MSH5: variants seen among roughly 807,000 people sequenced by gnomAD.
MSH5 encodes the protein mutS protein homolog 5.
In MSH5, 78 loss-of-function variants were observed where a neutral mutation model predicts 107.7. That is an observed-to-expected ratio of 0.72 (90% CI 0.60 to 0.87). The LOEUF (loss-of-function observed/expected upper bound fraction) is 0.87. MSH5 is among the 40% of genes least tolerant of loss of function. MSH5 has a pLI of 0.00. For missense variants in MSH5, 889 were observed against 1,046.6 expected, an observed-to-expected ratio of 0.85 and a Z score of 2.08; for synonymous variants, 326 against 399.5, an observed-to-expected ratio of 0.82 and a Z score of 2.19.
chr6:31,762,549 TC>T lies in MSH5; in HGVS notation c.*22del. The stretch of plus-strand genomic sequence containing the variant: ...TCCTCTGAGAGTCCTTCCAGTGTCC[TC>T]CCCAGCCTCCTGAGACTCCGGTGGG... On this transcript the variant is annotated 3_prime_UTR_variant, in exon 25 of 25. Transcript: ENST00000375750. The T allele has an allele frequency of 6.5e-7, 1 of 1,549,016 alleles. No individual in the cohort carries two copies. Among genetic ancestry groups the T allele is most frequent in the Non-Finnish European group, 8.9e-7 (1 of 1,121,890 alleles).
At chr6:31,742,983 G>A in intron 4 of MSH5, 26 bp downstream of exon 4, 1 of 1,612,052 alleles carries the variant, frequency 6.2e-7, no homozygotes, top group Non-Finnish European at 8.5e-7. Flanking sequence ...AGGATAGAGG[G>A]AAAATGGGGA....
In MSH5 at chr6:31,743,121, C is replaced by G. The variant is rs1425500131; in HGVS notation, c.366C>G (p.His122Gln). 6.2e-7 allele frequency: 1 copy of G among 1,612,870 alleles called. No individual in the cohort carries two copies. The highest frequency in any genetic ancestry group is 1.3e-5 in the African/African-American group (1 of 74,900). ...RFLGKLASQE[H>Q]REPKRPEIIF... Reference sequence around the variant, plus strand: ...CCTCCCCCACAGCCTCCCAGGAGCACAGAGAGCCTAAAAGACCTGAAATCA... The same window carrying G: ...CCTCCCCCACAGCCTCCCAGGAGCAGAGAGAGCCTAAAAGACCTGAAATCA... Residue 122 changes from histidine to glutamine, a missense_variant, in exon 5 of 25, where the codon CAC (histidine) becomes CAG (glutamine). Physicochemically the swap from His to Gln is conservative, Grantham distance 24. Coordinates refer to ENST00000375750, the MANE Select transcript of MSH5 (RefSeq NM_172166.4).
intron 8 of MSH5, 77 bp downstream of exon 8, chr6:31,744,658 G>T (rs538317670): frequency 6.6e-7 from 1 of 1,504,760 alleles, no homozygotes; most frequent in East Asian, 2.3e-5. Context: ...TCCTAATGAG[G>T]CTCTAGTTTC....
chr6:31,760,298 G>T lies in MSH5; in HGVS notation c.1812+82G>T. The T allele has an allele frequency of 5.3e-6, 8 of 1,500,470 alleles. No homozygotes were observed. Among genetic ancestry groups the T allele is most frequent in the Non-Finnish European group, 6.2e-6 (7 of 1,126,220 alleles). 92.9% of individuals were successfully genotyped at this position (1,500,470 alleles called of 1,614,324 possible). ...TACTTGCCAGCCAACTCAGGCTCCT[G>T]CAGCTCTTCTCCCATTTTCTGACCC... On this transcript the variant is annotated intron_variant, in intron 19 of 24. Coordinates refer to ENST00000375750, the MANE Select transcript of MSH5 (RefSeq NM_172166.4). The surrounding 1 kb of genome is among the most constrained non-coding windows in gnomAD (Gnocchi z 5.6).
At chr6:31,755,617 C>T (rs1307836258) in intron 12 of MSH5, among the ~76,000 whole-genome samples, 1 of 152,174 alleles carries the variant, frequency 6.6e-6, no homozygotes, top group African/African-American at 2.4e-5. Flanking sequence ...CTGCCCCGGC[C>T]TCCCAAAGTG....
chr6:31,743,517 C>A, intron 5 of MSH5: 1 of 452,090 alleles, frequency 2.2e-6, no homozygotes, highest in Non-Finnish European at 3.9e-6. Context: ...TTATTATGAT[C>A]CATAAGGCAC....
intron 8 of MSH5, among the ~76,000 whole-genome samples, 154 bp from the exon 9 acceptor site, chr6:31,745,083 G>A (rs1031123450): frequency 4.3e-5 from 6 of 138,692 alleles, no homozygotes; most frequent in African/African-American, 1.3e-4. Flanking sequence ...CAGCCTGGGC[G>A]ACAGAGCGAG....
Position 31,753,609 on chromosome 6 carries a change from GACTGGCAGGTT to G in MSH5, c.995_1005del (p.Asp332AlafsTer34). The stretch of plus-strand genomic sequence containing the variant: ...GAAGTTGTCCCACACCAAGGTCAGC[GACTGGCAGGTT>G]CTCTACAAGGTAAGGCCTTCCTTCT... On this transcript the variant is annotated frameshift_variant, in exon 12 of 25. Transcript: ENST00000375750. LOFTEE classifies it high-confidence loss of function. The G allele has an allele frequency of 6.2e-7, 1 of 1,614,164 alleles. No individual in the cohort carries two copies. The highest frequency in any genetic ancestry group is 8.5e-7 in the Non-Finnish European group (1 of 1,180,028).
chr6:31,745,103 CAAAAAAAAAAA>C, intron 8 of MSH5, 123 bp from the exon 9 acceptor site: 2 of 354,088 alleles, frequency 5.6e-6, no homozygotes, highest in East Asian at 6.4e-5. Context: ...GACTCCATCT[CAAAAAAAAAAA>C]AAAAAAAAAA....
chr6:31,743,778 C>A, intron 5 of MSH5, 126 bp from the exon 6 acceptor site: 1 of 1,384,202 alleles, frequency 7.2e-7, no homozygotes, highest in East Asian at 2.4e-5. Context: ...CTCTAGCTTT[C>A]CATTAACTGC....
rs1287422290 is a variant in MSH5, at chr6:31,747,385, A to G, written c.767-2A>G. 4 of 1,612,964 alleles carry G rather than the reference A, an allele frequency of 2.5e-6. No individual in the cohort carries two copies. The highest frequency in any genetic ancestry group is 1.1e-5 in the South Asian group (1 of 91,064). On this transcript the variant is annotated splice_acceptor_variant, in intron 9 of 24. Coordinates refer to ENST00000375750, the MANE Select transcript of MSH5 (RefSeq NM_172166.4). LOFTEE classifies it high-confidence loss of function. ...GTTCACTCCCTGCCTTATCCCTCAC[A>G]GGAATCCTCAACAGATGCCACTGTA...
Position 31,741,270 on chromosome 6 carries a change from C to CTGG in MSH5, c.255_256insTGG (p.Leu85_Lys86insTrp). On this transcript the variant is annotated inframe_insertion, in exon 3 of 25. Transcript: ENST00000375750. ...CAGATGCCCCAGACCACGAGAGCCT[C>CTGG]AAGCTTCTCCAGAGAGGTGGGGATG... 6.2e-7 allele frequency: 1 copy of CTGG among 1,612,380 alleles called. No individual in the cohort carries two copies. The highest frequency in any genetic ancestry group is 8.5e-7 in the Non-Finnish European group (1 of 1,179,814).
At chr6:31,743,260 C>CT in intron 5 of MSH5, 90 bp downstream of exon 5, 1 of 1,371,626 alleles carries the variant, frequency 7.3e-7, no homozygotes. Context: ...GATCTCCCCT[C>CT]TGCCTTATGT....
At chr6:31,744,467 A>G (rs1291802187) in intron 7 of MSH5, 79 bp from the exon 8 acceptor site, 14 of 1,573,702 alleles carry the variant, frequency 8.9e-6, no homozygotes, top group Non-Finnish European at 1.2e-5. Context: ...CTGGGACAAT[A>G]TTCAGAGAGG....
At chr6:31,756,725 C>T (rs1810472622) in intron 12 of MSH5, 1 of 151,918 alleles carries the variant, frequency 6.6e-6, no homozygotes. Flanking sequence ...ACCTCCACCT[C>T]CCGGGTTGGG....
At chr6:31,752,899 A>G (rs1434831033) in intron 10 of MSH5, among the ~76,000 whole-genome samples, 1 of 152,174 alleles carries the variant, frequency 6.6e-6, no homozygotes, top group African/African-American at 2.4e-5. Context: ...TGTTACCCAG[A>G]GACACTTTCA....
chr6:31,743,527 C>G (rs965738442), intron 5 of MSH5: 8 of 438,160 alleles, frequency 1.8e-5, no homozygotes, highest in African/African-American at 1.6e-4. Context: ...CCATAAGGCA[C>G]TTCTATAACT....
chr6:31,754,028 C>A, intron 12 of MSH5: 1 of 172,134 alleles, frequency 5.8e-6, no homozygotes, highest in Non-Finnish European at 1.3e-5. Context: ...GCCCGGCCTC[C>A]CTCTTTTTTT....
Position 31,760,896 on chromosome 6 carries a change from C to A in MSH5, c.1962+57C>A. The stretch of plus-strand genomic sequence containing the variant: ...GAAGGGGATAATGGGAAAGGAACCC[C>A]TGAAAATGCTCATAACAGGAAAGCA... On this transcript the variant is annotated intron_variant, in intron 20 of 24. Transcript: ENST00000375750. The surrounding 1 kb of genome is among the most constrained non-coding windows in gnomAD (Gnocchi z 5.6). The A allele has an allele frequency of 1.3e-6, 2 of 1,562,190 alleles. No homozygotes were observed. The highest frequency in any genetic ancestry group is 1.9e-5 in the Admixed American group (1 of 53,558).
Sources: allele counts gnomAD v4.1 joint callset (sites outside exome capture counted in the v4.1 genomes callset), GRCh38; gene constraint gnomAD v4.1.1; non-coding constraint Gnocchi (gnomAD v3.1); transcripts MANE v1.5; gene names NCBI Gene and HGNC (gene_info 2026-07-23, HGNC 2026-07-21).